The following TFPI variants were observed in gnomAD, a reference collection of about 807,000 sequenced individuals.
The protein encoded by TFPI is anti-convertin.
In TFPI, 15 loss-of-function variants were observed where a neutral mutation model predicts 34.6. That is an observed-to-expected ratio of 0.43 (90% CI 0.29 to 0.67). The LOEUF is 0.67. Among genes scored for constraint, TFPI ranks in the 30% least tolerant of loss-of-function variants. TFPI has a pLI of 0.15. For missense variants in TFPI, 301 were observed against 364.0 expected, an observed-to-expected ratio of 0.83 and a Z score of 1.41; for synonymous variants, 105 against 120.1, an observed-to-expected ratio of 0.87 and a Z score of 0.82.
intron 2 of TFPI, among the ~76,000 whole-genome samples, chr2:187,502,862 A>C (rs570891909): frequency 1.3e-5 from 2 of 152,334 alleles, no homozygotes; most frequent in Non-Finnish European, 2.9e-5. Context: ...GAACACAGTC[A>C]TTTTAAAAAG....
intron 6 of TFPI, among the ~76,000 whole-genome samples, chr2:187,471,387 A>G (rs1302675917): frequency 5.9e-5 from 9 of 152,172 alleles, no homozygotes; most frequent in Admixed American, 5.9e-4. Flanking sequence ...TTTATTCTAC[A>G]TATAGATCAG....
At chr2:187,538,219 G>A (rs756365020) in intron 1 of TFPI, among the ~76,000 whole-genome samples, 1 of 152,150 alleles carries the variant, frequency 6.6e-6, no homozygotes, top group Non-Finnish European at 1.5e-5. Flanking sequence ...ATTTGACTCA[G>A]CAATCCTATT....
At chr2:187,471,468 AT>A (rs1282610761) in intron 6 of TFPI, among the ~76,000 whole-genome samples, 12 of 152,224 alleles carry the variant, frequency 7.9e-5, no homozygotes, top group Non-Finnish European at 1.3e-4. Flanking sequence ...GCGAAATGTA[AT>A]TTTTTTAGTT....
At chr2:187,501,295 T>C (rs8176424) in intron 2 of TFPI, among the ~76,000 whole-genome samples, 4,340 of 130,320 alleles carry the variant, frequency 0.033, 180 homozygotes, top group African/African-American at 0.1. Flanking sequence ...GCCTTCCCCT[T>C]CCCTCCCCCC....
At chr2:187,515,941 T>C (rs191800079) in intron 1 of TFPI, 1 of 151,862 alleles carries the variant, frequency 6.6e-6, no homozygotes, top group Non-Finnish European at 1.5e-5. Flanking sequence ...GAAGCATAGC[T>C]ATAGGCAGCT....
chr2:187,488,496 G>T, intron 3 of TFPI, 121 bp from the exon 4 acceptor site: 1 of 541,818 alleles, frequency 1.8e-6, no homozygotes, highest in Non-Finnish European at 3.0e-6. Flanking sequence ...TATACAGAAT[G>T]TCTTAATAAA....
rs575041694 is a variant in TFPI at position 187,466,660 on chromosome 2, G to A, written c.*276C>T. 2 of 240,630 alleles carry A rather than the reference G, an allele frequency of 8.3e-6. No homozygotes were observed. Among genetic ancestry groups the A allele is most frequent in the Non-Finnish European group, 1.6e-5 (2 of 123,348 alleles). 14.9% of individuals were successfully genotyped at this position (240,630 alleles called of 1,614,324 possible). A position where few individuals can be genotyped will look rare whatever the true frequency, so the allele number is the denominator to read the frequency against. Reference sequence around the variant, plus strand: ...TCAAAGGACTGATTTGATGTAGCCGGTAGTATGATAATTTGTAGTTAAATG... The same window carrying A: ...TCAAAGGACTGATTTGATGTAGCCGATAGTATGATAATTTGTAGTTAAATG... On this transcript the variant is annotated 3_prime_UTR_variant, in exon 8 of 8. Coordinates refer to ENST00000233156, the MANE Select transcript of TFPI (RefSeq NM_006287.6).
intron 4 of TFPI, among the ~76,000 whole-genome samples, chr2:187,487,655 C>G (rs1320279033): frequency 6.6e-6 from 1 of 150,470 alleles, no homozygotes; most frequent in Non-Finnish European, 1.5e-5. Flanking sequence ...ACGTTGGTTT[C>G]CCTGATCCAT....
chr2:187,524,251 C>A (rs1687565344), intron 1 of TFPI, among the ~76,000 whole-genome samples: 1 of 151,926 alleles, frequency 6.6e-6, no homozygotes. Flanking sequence ...GTTTGCATTT[C>A]TCTTGGGTAT....
At chr2:187,552,048 A>T (rs1689116182) in intron 1 of TFPI, among the ~76,000 whole-genome samples, 1 of 152,172 alleles carries the variant, frequency 6.6e-6, no homozygotes, top group South Asian at 2.1e-4. Flanking sequence ...AATTTAATTA[A>T]TTTATACTGA....
intron 1 of TFPI, among the ~76,000 whole-genome samples, chr2:187,538,256 A>T (rs1448521699): frequency 6.6e-6 from 1 of 152,234 alleles, no homozygotes; most frequent in Non-Finnish European, 1.5e-5. Flanking sequence ...AAGGATTATA[A>T]ATCATTCTAC....
chr2:187,497,920 T>A (rs1685594626), intron 2 of TFPI, among the ~76,000 whole-genome samples: 1 of 151,900 alleles, frequency 6.6e-6, no homozygotes. Context: ...ACCAAAAGAA[T>A]AATGACAAAA....
intron 6 of TFPI, among the ~76,000 whole-genome samples, chr2:187,479,878 A>G (rs1471732192): frequency 6.6e-6 from 1 of 152,048 alleles, no homozygotes; most frequent in East Asian, 1.9e-4. Flanking sequence ...AATGACTGGA[A>G]GAATATAAGT....
At chr2:187,488,646 G>A (rs1029758625) in intron 3 of TFPI, among the ~76,000 whole-genome samples, 4 of 151,406 alleles carry the variant, frequency 2.6e-5, no homozygotes, top group Non-Finnish European at 5.9e-5. Context: ...AGAATTCATA[G>A]TGACTATGTT....
chr2:187,545,068 G>A (rs903256268), intron 1 of TFPI, among the ~76,000 whole-genome samples: 1 of 152,192 alleles, frequency 6.6e-6, no homozygotes, highest in South Asian at 2.1e-4. Flanking sequence ...CCGTGATCGT[G>A]CCACTGCGCT....
intron 3 of TFPI, among the ~76,000 whole-genome samples, chr2:187,495,747 C>T (rs573039733): frequency 3.3e-4 from 50 of 152,006 alleles, no homozygotes; most frequent in Non-Finnish European, 6.2e-4. Flanking sequence ...GCAGAGCTGC[C>T]TGATTTGCAA....
rs117725866 is a variant in TFPI at position 187,473,531 on chromosome 2, C to A, written c.629-5599G>T. On this transcript the variant is annotated intron_variant, in intron 6 of 7. Coordinates refer to ENST00000233156, the MANE Select transcript of TFPI (RefSeq NM_006287.6). ...TTTTATTTTCTTTTTTATTCAAATT[C>A]TTTGCAATCATAATGCTCAAGATAT... Among the ~76,000 whole-genome samples, 11 of 151,870 alleles carry A rather than the reference C, an allele frequency of 7.2e-5. No individual in the cohort carries two copies. The East Asian group carries it at 1.4e-3, about 19-fold the overall frequency.
intron 3 of TFPI, among the ~76,000 whole-genome samples, chr2:187,494,698 A>T (rs543236542): frequency 6.6e-6 from 1 of 152,116 alleles, no homozygotes; most frequent in South Asian, 2.1e-4. Context: ...TGTATAAAAC[A>T]CTCAGACATT....
At chr2:187,483,111 G>A (rs572656499) in intron 6 of TFPI, among the ~76,000 whole-genome samples, 85 of 152,010 alleles carry the variant, frequency 5.6e-4, no homozygotes, top group South Asian at 2.3e-3. Context: ...TCAAATCCAC[G>A]TGGGCAGGGA....
Sources: allele counts gnomAD v4.1 joint callset (sites outside exome capture counted in the v4.1 genomes callset), GRCh38; gene constraint gnomAD v4.1.1; transcripts MANE v1.5; gene names NCBI Gene and HGNC (gene_info 2026-07-23, HGNC 2026-07-21).